The following ATG7 variants were observed in gnomAD, a reference collection of about 807,000 sequenced individuals.
ATG7 encodes ubiquitin-like modifier-activating enzyme ATG7.
In ATG7, 70 loss-of-function variants were observed where a neutral mutation model predicts 82.4. The observed-to-expected ratio is 0.85, with a 90% confidence interval of 0.70 to 1.04. The LOEUF (loss-of-function observed/expected upper bound fraction) is 1.04, where lower values mean the gene tolerates loss of function less well. Among genes scored for constraint, ATG7 ranks in the 50% least tolerant of loss-of-function variants. The pLI is 0.00. For missense variants in ATG7, 792 were observed against 864.3 expected, an observed-to-expected ratio of 0.92 and a Z score of 1.05; for synonymous variants, 287 against 313.0, an observed-to-expected ratio of 0.92 and a Z score of 0.88.
chr3:11,382,149 A>G (rs1559507637), intron 19 of ATG7, among the ~76,000 whole-genome samples: 1 of 152,202 alleles, frequency 6.6e-6, no homozygotes, highest in Non-Finnish European at 1.5e-5. Flanking sequence ...GATCAAGGCC[A>G]TGCTTGTGTC....
intron 9 of ATG7, 82 bp from the exon 10 acceptor site, chr3:11,331,258 G>A: frequency 8.8e-7 from 1 of 1,141,632 alleles, no homozygotes; most frequent in Non-Finnish European, 1.3e-6. Flanking sequence ...GCATAAAAAA[G>A]CAAAGAGGAA....
chr3:11,566,648 G>A, the ATG7 span, among the ~76,000 whole-genome samples: 4 of 152,256 alleles, frequency 2.6e-5, no homozygotes, highest in Non-Finnish European at 4.4e-5. Flanking sequence ...CTCTGCCTCT[G>A]TGGCTGTGTA....
At chr3:11,289,307 C>T (rs1362159609) in intron 3 of ATG7, among the ~76,000 whole-genome samples, 1 of 152,204 alleles carries the variant, frequency 6.6e-6, no homozygotes, top group Non-Finnish European at 1.5e-5. Flanking sequence ...CCAAATTCCC[C>T]TCCGACCATT....
the ATG7 span, among the ~76,000 whole-genome samples, chr3:11,567,223 G>C: frequency 0.35 from 53,286 of 151,964 alleles, 10,458 homozygotes; most frequent in Non-Finnish European, 0.46. Context: ...GATCCACCCA[G>C]AGGACTCTAA....
intron 20 of ATG7, among the ~76,000 whole-genome samples, chr3:11,440,216 T>C (rs2152966516): frequency 6.6e-6 from 1 of 152,224 alleles, no homozygotes; most frequent in East Asian, 1.9e-4. Flanking sequence ...TCTAATAAAA[T>C]CCGTGGGAAT....
the ATG7 span, among the ~76,000 whole-genome samples, chr3:11,568,268 G>A: frequency 0.018 from 2,781 of 152,352 alleles, 84 homozygotes; most frequent in African/African-American, 0.063. This position sits in a 1 kb window ranked among gnomAD's most constrained non-coding sequence, Gnocchi z 5.9. Flanking sequence ...GCACGGCACA[G>A]TCACGCAGAT....
At chr3:11,468,406 C>T (rs932105054) in intron 20 of ATG7, among the ~76,000 whole-genome samples, 1 of 152,174 alleles carries the variant, frequency 6.6e-6, no homozygotes, top group African/African-American at 2.4e-5. Flanking sequence ...TCCTCCTCCC[C>T]ACTCCATGTC....
intron 11 of ATG7, among the ~76,000 whole-genome samples, chr3:11,335,817 C>T (rs983770542): frequency 6.6e-6 from 1 of 152,142 alleles, no homozygotes; most frequent in Admixed American, 6.5e-5. Flanking sequence ...CCAGACTCAG[C>T]CTCCCGAGTG....
rs150961014 is a variant in ATG7 at position 11,460,773 on chromosome 3, T to A, written c.2079+33847T>A. Among the ~76,000 whole-genome samples, 102 of 152,306 alleles carry A rather than the reference T, an allele frequency of 6.7e-4. 1 individual carries two copies. The highest frequency in any genetic ancestry group is 2.4e-3 in the African/African-American group (99 of 41,574). Reference sequence around the variant, plus strand: ...TACAGTGAGATAATGATTATTCTTATAAAGTACTGAGGGAACACAAACAAA... The same window carrying A: ...TACAGTGAGATAATGATTATTCTTAAAAAGTACTGAGGGAACACAAACAAA... On this transcript the variant is annotated intron_variant, in intron 20 of 20. Coordinates refer to ENST00000693202, the MANE Select transcript of ATG7 (RefSeq NM_001349232.2).
chr3:11,565,423 T>C, the ATG7 span, among the ~76,000 whole-genome samples: 12 of 152,258 alleles, frequency 7.9e-5, no homozygotes, highest in Non-Finnish European at 1.3e-4. This position sits in a 1 kb window ranked among gnomAD's most constrained non-coding sequence, Gnocchi z 4.1. Flanking sequence ...GCGTCCTACA[T>C]GCAGGGCCCT....
At chr3:11,339,295 C>CAAA (rs1036935586) in intron 11 of ATG7, among the ~76,000 whole-genome samples, 18,881 of 88,516 alleles carry the variant, frequency 0.21, 1,791 homozygotes, top group South Asian at 0.38. Flanking sequence ...GACTCTGTTT[C>CAAA]AAAAAAAAAA....
chr3:11,368,480 C>T (rs933804969), intron 18 of ATG7, among the ~76,000 whole-genome samples: 7 of 151,990 alleles, frequency 4.6e-5, no homozygotes, highest in Non-Finnish European at 1.0e-4. Context: ...TTTGGCTGTA[C>T]CTCCTCAAAG....
intron 1 of ATG7, among the ~76,000 whole-genome samples, chr3:11,273,989 G>A (rs1035326568): frequency 3.3e-5 from 5 of 152,166 alleles, no homozygotes; most frequent in Non-Finnish European, 5.9e-5. Context: ...CCCCAACGCT[G>A]CTCCAGTCTT....
intron 18 of ATG7, among the ~76,000 whole-genome samples, chr3:11,367,971 T>A: frequency 6.6e-6 from 1 of 151,778 alleles, no homozygotes; most frequent in East Asian, 1.9e-4. Context: ...AGCACACAGA[T>A]CAGAACAAAG....
chr3:11,321,513 G>C (rs543003032), intron 9 of ATG7, among the ~76,000 whole-genome samples: 6 of 152,302 alleles, frequency 3.9e-5, no homozygotes, highest in African/African-American at 1.4e-4. Context: ...TTTTACAGAT[G>C]AGATGAATGG....
intron 5 of ATG7, among the ~76,000 whole-genome samples, chr3:11,302,501 ATG>A (rs957957387): frequency 6.6e-6 from 1 of 152,176 alleles, no homozygotes; most frequent in Admixed American, 6.5e-5. Flanking sequence ...CAATGTGCAG[ATG>A]TGTGTGTGTT....
In ATG7 at chr3:11,384,766, GC is replaced by G. The variant is rs201778752; in HGVS notation, c.1956+4716del. 6.0e-4 allele frequency among the ~76,000 whole-genome samples: 91 copies of G among 152,104 alleles called. 1 individual carries two copies. In the East Asian group the frequency reaches 0.017, roughly 28 times the overall value. ...ACCTGAGCCTAAGAGTTTGAGACCA[GC>G]CTGGGTAACATGGTGAAATCCTGCC... On this transcript the variant is annotated intron_variant, in intron 19 of 20. Coordinates refer to ENST00000693202, the MANE Select transcript of ATG7 (RefSeq NM_001349232.2).
chr3:11,568,750 C>A, the ATG7 span: 1 of 1,518,470 alleles, frequency 6.6e-7, no homozygotes, highest in South Asian at 1.3e-5. This position sits in a 1 kb window ranked among gnomAD's most constrained non-coding sequence, Gnocchi z 5.9. Flanking sequence ...CGCATCCTGC[C>A]CGGGAGATGG....
intron 19 of ATG7, among the ~76,000 whole-genome samples, chr3:11,414,005 G>T (rs1420083497): frequency 6.6e-6 from 1 of 152,012 alleles, no homozygotes; most frequent in East Asian, 1.9e-4. Flanking sequence ...TATGGTATTA[G>T]GTTTGTAATT....
Sources: allele counts gnomAD v4.1 joint callset (sites outside exome capture counted in the v4.1 genomes callset), GRCh38; gene constraint gnomAD v4.1.1; non-coding constraint Gnocchi (gnomAD v3.1); transcripts MANE v1.5; gene names NCBI Gene and HGNC (gene_info 2026-07-23, HGNC 2026-07-21).